Variants in PPM1H observed in about 807,000 individuals in gnomAD.
PPM1H encodes protein phosphatase 1H.
In PPM1H, 27 loss-of-function variants were observed where a neutral mutation model predicts 54.9. The observed-to-expected ratio is 0.49, with a 90% CI of 0.36 to 0.68. The LOEUF (loss-of-function observed/expected upper bound fraction) is 0.68. Ranked by LOEUF, PPM1H falls within the 30% of genes least tolerant of loss-of-function variation. The pLI, the probability that PPM1H is intolerant of heterozygous loss-of-function variation, is 0.00. For missense variants in PPM1H, 596 were observed against 667.8 expected (o/e 0.89, Z 1.19); for synonymous variants, 305 against 270.8 (o/e 1.13, Z -1.24).
At chr12:62,791,557 C>T (rs2076701376) in intron 3 of PPM1H, among the ~76,000 whole-genome samples, 1 of 152,210 alleles carries the variant, frequency 6.6e-6, no homozygotes, top group African/African-American at 2.4e-5. Context: ...GCTACAGAGA[C>T]TATTTTTTCA....
At chr12:62,901,705 G>C (rs960849585) in intron 1 of PPM1H, among the ~76,000 whole-genome samples, 1 of 152,152 alleles carries the variant, frequency 6.6e-6, no homozygotes, top group African/African-American at 2.4e-5. Context: ...TCCTATACAT[G>C]ATAGCCAATT....
intron 9 of PPM1H, among the ~76,000 whole-genome samples, chr12:62,657,835 G>T (rs2075853656): frequency 6.6e-6 from 1 of 152,136 alleles, no homozygotes; most frequent in South Asian, 2.1e-4. Context: ...ACCTTTCACT[G>T]ATTAATCTCT....
At chr12:62,702,004 C>T (rs529859447) in intron 6 of PPM1H, among the ~76,000 whole-genome samples, 1 of 152,304 alleles carries the variant, frequency 6.6e-6, no homozygotes, top group South Asian at 2.1e-4. Flanking sequence ...TAGACACAAG[C>T]TAAATGGATG....
chr12:62,849,767 C>T (rs1048233862), intron 1 of PPM1H, among the ~76,000 whole-genome samples: 7 of 152,140 alleles, frequency 4.6e-5, no homozygotes, highest in African/African-American at 1.4e-4. Context: ...GGAATGCATT[C>T]GTTTCCAGGG....
intron 1 of PPM1H, among the ~76,000 whole-genome samples, chr12:62,858,376 T>C (rs1438783595): frequency 6.6e-6 from 1 of 152,236 alleles, no homozygotes; most frequent in African/African-American, 2.4e-5. Flanking sequence ...CTAGGGTTTC[T>C]AGCCAGTTTA....
chr12:62,784,829 T>C (rs1324738185), intron 4 of PPM1H, among the ~76,000 whole-genome samples: 1 of 152,248 alleles, frequency 6.6e-6, no homozygotes, highest in African/African-American at 2.4e-5. Flanking sequence ...CTATTGTTTG[T>C]AAAAGAGCTG....
chr12:62,695,863 G>A (rs777601371), intron 6 of PPM1H, among the ~76,000 whole-genome samples: 32 of 152,056 alleles, frequency 2.1e-4, no homozygotes, highest in East Asian at 3.9e-4. Context: ...TGAGATGAGC[G>A]TGAACAGGGA....
chr12:62,750,920 G>T (rs1048714406), intron 4 of PPM1H, among the ~76,000 whole-genome samples: 1 of 152,180 alleles, frequency 6.6e-6, no homozygotes, highest in African/African-American at 2.4e-5. Context: ...TATGTATTCT[G>T]CTTCTCTCTA....
chr12:62,757,199 C>G (rs1039233147), intron 4 of PPM1H, among the ~76,000 whole-genome samples: 1 of 152,108 alleles, frequency 6.6e-6, no homozygotes, highest in Non-Finnish European at 1.5e-5. Flanking sequence ...TCTGAATTAT[C>G]TGAGTGTAGA....
At chr12:62,686,928 G>A (rs74096900) in intron 8 of PPM1H, among the ~76,000 whole-genome samples, 2,105 of 152,282 alleles carry the variant, frequency 0.014, 39 homozygotes, top group African/African-American at 0.048. Context: ...GTGGGTCTAG[G>A]TGACTGTTTG....
chr12:62,760,691 A>G (rs12582520), intron 4 of PPM1H, among the ~76,000 whole-genome samples: 24,487 of 152,172 alleles, frequency 0.16, 2,461 homozygotes, highest in African/African-American at 0.29. Flanking sequence ...CCCACTAAAT[A>G]TATACAGGAA....
chr12:62,793,419 C>T (rs558433649), intron 3 of PPM1H, among the ~76,000 whole-genome samples: 65 of 151,656 alleles, frequency 4.3e-4, no homozygotes, highest in African/African-American at 1.2e-3. Context: ...CAAGGAGAAA[C>T]GGGAGCCGAG....
intron 1 of PPM1H, among the ~76,000 whole-genome samples, chr12:62,846,119 G>T (rs1381288309): frequency 6.6e-6 from 1 of 152,172 alleles, no homozygotes; most frequent in African/African-American, 2.4e-5. Context: ...AGCAGGCCCG[G>T]ACTGACCTTT....
At chr12:62,739,656 A>G (rs922806555) in intron 4 of PPM1H, among the ~76,000 whole-genome samples, 1 of 152,160 alleles carries the variant, frequency 6.6e-6, no homozygotes, top group Non-Finnish European at 1.5e-5. Flanking sequence ...CTCCTCTAGG[A>G]CCTGAGTGCC....
intron 6 of PPM1H, among the ~76,000 whole-genome samples, chr12:62,711,899 G>A (rs1463675655): frequency 2.1e-4 from 32 of 151,988 alleles, no homozygotes; most frequent in Admixed American, 2.0e-3. Context: ...GCAACCATTC[G>A]TAAAGACCCC....
intron 4 of PPM1H, among the ~76,000 whole-genome samples, chr12:62,771,240 A>G (rs1418283044): frequency 6.7e-6 from 1 of 150,080 alleles, no homozygotes; most frequent in Non-Finnish European, 1.5e-5. Flanking sequence ...AAAGAATATT[A>G]CAGGCTGCCC....
At position 62,756,527 on chromosome 12, in the gene PPM1H, C is replaced by T. The variant is rs570528015; in HGVS notation, c.870-18941G>A. Among the ~76,000 whole-genome samples the T allele has an allele frequency of 1.5e-4, 23 of 151,848 alleles. No individual in the cohort carries two copies. The East Asian group carries it at 2.9e-3, about 19-fold the overall frequency. On this transcript the variant is annotated intron_variant, in intron 4 of 9. Coordinates refer to ENST00000228705, the MANE Select transcript of PPM1H (RefSeq NM_020700.2). ...TTCATGAAGGAAACATGTACATGAA[C>T]GTATTTTGTATATTTATAAATATAC...
chr12:62,903,464 TGAAG>T (rs1448085108), intron 1 of PPM1H, among the ~76,000 whole-genome samples: 3 of 152,190 alleles, frequency 2.0e-5, no homozygotes, highest in Non-Finnish European at 4.4e-5. Flanking sequence ...TTGTGATATT[TGAAG>T]GAAGGGACAG....
intron 8 of PPM1H, among the ~76,000 whole-genome samples, chr12:62,687,563 T>G (rs981598166): frequency 2.9e-5 from 4 of 138,640 alleles, no homozygotes; most frequent in Admixed American, 2.2e-4. Context: ...CTTGCAGTAC[T>G]TTTTTTTTTT....
Sources: gnomAD v4.1 joint callset for allele counts (sites outside exome capture counted in the v4.1 genomes callset) on GRCh38, gnomAD v4.1.1 for gene constraint, MANE v1.5 for transcripts, NCBI Gene and HGNC (gene_info 2026-07-23, HGNC 2026-07-21) for gene names.